The following DHRSX variants were observed in gnomAD, a reference collection of about 807,000 sequenced individuals.
The protein encoded by DHRSX is polyprenol dehydrogenase.
Under a neutral mutation model 34.0 loss-of-function variants are expected in DHRSX, and 31 were observed. That is an observed-to-expected ratio of 0.91 (90% CI 0.69 to 1.23). The LOEUF (loss-of-function observed/expected upper bound fraction) is 1.23. Ranked by LOEUF, DHRSX falls within the 50% of genes most tolerant of loss-of-function variation. The pLI is 0.00. For synonymous variants in DHRSX, 201 were observed against 183.8 expected (o/e 1.09, Z -0.76); for missense variants, 414 against 428.1 (o/e 0.97, Z 0.29).
chrX:2,235,885 G>A (rs958330536), intron 6 of DHRSX, among the ~76,000 whole-genome samples: 9 of 148,708 alleles, frequency 6.1e-5, no homozygotes, highest in African/African-American at 9.9e-5. Context: ...AGACCGAGGC[G>A]GGCGGATCAC....
chrX:2,326,559 A>G (rs1305283472), intron 3 of DHRSX, among the ~76,000 whole-genome samples: 2 of 152,020 alleles, frequency 1.3e-5, no homozygotes, highest in Non-Finnish European at 2.9e-5. Flanking sequence ...CTGGGGGCCC[A>G]TCTTAGAGGG....
At chrX:2,392,934 A>G (rs1320121654) in intron 3 of DHRSX, among the ~76,000 whole-genome samples, 19 of 142,664 alleles carry the variant, frequency 1.3e-4, no homozygotes, top group Non-Finnish European at 2.5e-4. Flanking sequence ...TAAATAAAAT[A>G]TATCAAAGTA....
intron 1 of DHRSX, among the ~76,000 whole-genome samples, chrX:2,494,323 C>T (rs1215203889): frequency 2.0e-5 from 3 of 151,530 alleles, no homozygotes; most frequent in Non-Finnish European, 4.4e-5. Flanking sequence ...CAAAAATTTT[C>T]ATTCTATCAT....
At chrX:2,449,493 T>C (rs760004326) in intron 1 of DHRSX, among the ~76,000 whole-genome samples, 1 of 152,114 alleles carries the variant, frequency 6.6e-6, no homozygotes, top group African/African-American at 2.4e-5. Context: ...CCTATCTTTT[T>C]AAATTTATTG....
At chrX:2,461,816 C>T (rs1309830356) in intron 1 of DHRSX, among the ~76,000 whole-genome samples, 2 of 152,192 alleles carry the variant, frequency 1.3e-5, no homozygotes, top group African/African-American at 4.8e-5. Context: ...CCTCCCACCT[C>T]TGCCTCCTCA....
At chrX:2,404,232 C>T (rs755072599) in intron 3 of DHRSX, among the ~76,000 whole-genome samples, 1 of 152,036 alleles carries the variant, frequency 6.6e-6, no homozygotes, top group South Asian at 2.1e-4. Flanking sequence ...CCCCGATTCA[C>T]AGATGGGCCC....
intron 3 of DHRSX, among the ~76,000 whole-genome samples, chrX:2,371,317 TCCCG>T: frequency 6.8e-6 from 1 of 147,958 alleles, no homozygotes; most frequent in Non-Finnish European, 1.5e-5. Flanking sequence ...TAGACCCTCC[TCCCG>T]TTACTATAGT....
At position 2,238,653 on chromosome X, in the gene DHRSX, G is replaced by A. The variant is rs186228146; in HGVS notation, c.804+4370C>T. 1.7e-3 allele frequency among the ~76,000 whole-genome samples: 258 copies of A among 150,138 alleles called. 1 individual carries two copies. The highest frequency in any genetic ancestry group is 0.01 in the Middle Eastern group (3 of 294). On this transcript the variant is annotated intron_variant, in intron 6 of 6. Transcript: ENST00000334651. ...GGCTGGAGTGCAATGGCGCCATCTC[G>A]GCTTACTGCAACCTCCGCCTCCCAG...
Position 2,425,179 on chromosome X carries a change from A to G in DHRSX, c.217+18T>C. The G allele has an allele frequency of 6.4e-7, 1 of 1,570,198 alleles. No homozygotes were observed. The highest frequency in any genetic ancestry group is 1.2e-5 in the South Asian group (1 of 85,004). On this transcript the variant is annotated intron_variant, in intron 2 of 6. Coordinates refer to ENST00000334651, the MANE Select transcript of DHRSX (RefSeq NM_145177.3). ...AACCGAAAAAACAAAAAACACAAGT[A>G]ACTGTAAAAGTCATCACCTATGATA...
intron 3 of DHRSX, among the ~76,000 whole-genome samples, chrX:2,367,391 T>C (rs1344056352): frequency 4.0e-5 from 6 of 151,124 alleles, no homozygotes. Context: ...TGAGCCAAGC[T>C]TGTGCCACTG....
At chrX:2,250,470 G>C (rs1285494425) in intron 5 of DHRSX, among the ~76,000 whole-genome samples, 1 of 152,124 alleles carries the variant, frequency 6.6e-6, no homozygotes, top group Non-Finnish European at 1.5e-5. Context: ...GCTAAACAAC[G>C]GGTGGATTAC....
chrX:2,233,292 G>A (rs2015940314), intron 6 of DHRSX, among the ~76,000 whole-genome samples: 1 of 151,916 alleles, frequency 6.6e-6, no homozygotes, highest in Admixed American at 6.6e-5. Context: ...GGAAATGAAA[G>A]TTGTCTTCTG....
Position 2,230,622 on chromosome X carries a change from G to A in DHRSX, c.805-9393C>T, listed in dbSNP as rs748732987. ...TCAGTTGCATTTAAGCGAAGGAGAG[G>A]ACGCTTCACAATGTGGGTGGGCCTC... On this transcript the variant is annotated intron_variant, in intron 6 of 6. Transcript: ENST00000334651. Among the ~76,000 whole-genome samples the A allele has an allele frequency of 5.3e-5, 8 of 152,280 alleles. No individual in the cohort carries two copies. In the South Asian group the frequency reaches 8.3e-4, roughly 16 times the overall value.
At chrX:2,474,485 G>T (rs186257688) in intron 1 of DHRSX, among the ~76,000 whole-genome samples, 2 of 150,234 alleles carry the variant, frequency 1.3e-5, no homozygotes, top group African/African-American at 4.9e-5. Flanking sequence ...CACTGAAGAC[G>T]CTCCCTAAGA....
At chrX:2,249,901 C>T (rs1301692511) in intron 5 of DHRSX, among the ~76,000 whole-genome samples, 1 of 151,746 alleles carries the variant, frequency 6.6e-6, no homozygotes, top group Non-Finnish European at 1.5e-5. Flanking sequence ...TGGTGGCTCA[C>T]GTCTGTAATC....
intron 3 of DHRSX, among the ~76,000 whole-genome samples, chrX:2,369,585 C>T (rs2043033507): frequency 2.0e-5 from 3 of 152,150 alleles, no homozygotes; most frequent in Non-Finnish European, 4.4e-5. Context: ...CAACCTCCAT[C>T]TCCCAGGTTC....
At chrX:2,325,367 C>G (rs1286216971) in intron 3 of DHRSX, among the ~76,000 whole-genome samples, 1 of 151,910 alleles carries the variant, frequency 6.6e-6, no homozygotes, top group Non-Finnish European at 1.5e-5. Flanking sequence ...TTCAAGATGG[C>G]GGTTCCATCT....
intron 1 of DHRSX, chrX:2,490,423 G>C: frequency 1.2e-6 from 2 of 1,613,908 alleles, no homozygotes; most frequent in South Asian, 1.1e-5. Flanking sequence ...GGGACGACTC[G>C]GGCTTCAGCT....
intron 4 of DHRSX, among the ~76,000 whole-genome samples, chrX:2,275,767 C>T (rs375525989): frequency 2.0e-5 from 3 of 150,966 alleles, no homozygotes; most frequent in African/African-American, 2.4e-5. Context: ...CCAGCCTGGG[C>T]GACAGAGCAA....
Sources: gnomAD v4.1 joint callset for allele counts (sites outside exome capture counted in the v4.1 genomes callset) on GRCh38, gnomAD v4.1.1 for gene constraint, MANE v1.5 for transcripts, NCBI Gene and HGNC (gene_info 2026-07-23, HGNC 2026-07-21) for gene names.